Variants in MMD2 observed in about 807,000 individuals in gnomAD.
The protein encoded by MMD2 is monocyte to macrophage differentiation associated 2.
A neutral mutation model predicts 33.5 loss-of-function variants in MMD2; 30 were observed. That is an observed-to-expected ratio of 0.90 (90% CI 0.67 to 1.22). The LOEUF is 1.22. Ranked by LOEUF, MMD2 falls within the 50% of genes most tolerant of loss-of-function variation. The pLI, the probability that MMD2 is intolerant of heterozygous loss-of-function variation, is 0.00. For synonymous variants in MMD2, 129 were observed against 123.0 expected (o/e 1.05, Z -0.32); for missense variants, 364 against 325.4 (o/e 1.12, Z -0.91).
chr7:4,945,239 C>CTTCTTCTTCTTCTTCTTCTTCTTCTTCTT (rs71033001), intron 1 of MMD2, among the ~76,000 whole-genome samples: 4 of 142,112 alleles, frequency 2.8e-5, no homozygotes, highest in Admixed American at 2.2e-4. Flanking sequence ...TCTTCTTCTT[C>CTTCTTCTTCTTCTTCTTCTTCTTCTTCTT]CTCTCTCTCT....
At chr7:4,921,761 G>A (rs918826548) in intron 2 of MMD2, among the ~76,000 whole-genome samples, 1 of 151,982 alleles carries the variant, frequency 6.6e-6, no homozygotes, top group Non-Finnish European at 1.5e-5. Context: ...TAGCCTCCCC[G>A]ACACCCAGGC....
Position 4,911,164 on chromosome 7 carries a change from C to A in MMD2, c.448G>T (p.Val150Phe). 1 of 1,590,910 alleles carries A rather than the reference C, an allele frequency of 6.3e-7. No homozygotes were observed. Among genetic ancestry groups the A allele is most frequent in the East Asian group, 2.3e-5 (1 of 43,688 alleles). Residue 150 changes from valine (V) to phenylalanine (F), a missense_variant, in exon 5 of 7, where the codon GTC becomes TTC. By Grantham distance (50) the Val-to-Phe change is conservative. Transcript: ENST00000401401. ...GCTTACCGCTCATGGAAGAAGAAGA[C>A]ATAGATGGTGCCCACGGAAGCCATA... is the stretch of plus-strand genomic sequence containing the variant. ...WIMASVGTIY[V>F]FFFHERYKLV...
intron 1 of MMD2, among the ~76,000 whole-genome samples, chr7:4,949,986 AT>A (rs2115158439): frequency 6.6e-6 from 1 of 152,186 alleles, no homozygotes; most frequent in Non-Finnish European, 1.5e-5. Context: ...TTTTAGAATA[AT>A]TTTTTTCACT....
intron 1 of MMD2, among the ~76,000 whole-genome samples, chr7:4,938,292 A>G (rs62441537): frequency 0.36 from 54,761 of 151,802 alleles, 10,628 homozygotes; most frequent in Non-Finnish European, 0.45. Context: ...TACAGGCATG[A>G]GCCACCACGC....
At chr7:4,947,879 T>C (rs1178945430) in intron 1 of MMD2, among the ~76,000 whole-genome samples, 1 of 151,580 alleles carries the variant, frequency 6.6e-6, no homozygotes, top group Admixed American at 6.6e-5. Flanking sequence ...TTTGTATTTT[T>C]AGTAGAGACA....
chr7:4,909,911 GC>G lies in MMD2; in HGVS notation c.506del (p.Gly169AlafsTer21), dbSNP rs1207202402. 7 of 1,613,902 alleles carry G rather than the reference GC, an allele frequency of 4.3e-6. No homozygotes were observed. Among genetic ancestry groups the G allele is most frequent in the Non-Finnish European group, 5.9e-6 (7 of 1,179,874 alleles). On this transcript the variant is annotated frameshift_variant, in exon 6 of 7. Transcript: ENST00000401401. LOFTEE classifies it high-confidence loss of function. ...AGAGGATGACCAGGGCGGGGAAGAAGCCCATTACGACGTAGCAGAGAAGCTC... is the reference window on the plus strand; with the variant it reads ...AGAGGATGACCAGGGCGGGGAAGAAGCCATTACGACGTAGCAGAGAAGCTC... Reference protein sequence around the residue: ...LVELLCYVVMGFFPALVILSM... With the variant: ...LVELLCYVVMXFFPALVILSM...
intron 1 of MMD2, among the ~76,000 whole-genome samples, chr7:4,932,905 G>C (rs1010843303): frequency 6.6e-6 from 1 of 151,706 alleles, no homozygotes; most frequent in South Asian, 2.1e-4. Context: ...GATTACAGGC[G>C]TGAGCCACCA....
chr7:4,937,091 G>C (rs1389670191), intron 1 of MMD2, among the ~76,000 whole-genome samples: 3 of 150,886 alleles, frequency 2.0e-5, no homozygotes, highest in South Asian at 2.1e-4. Context: ...CCTGAGACTG[G>C]GTAATTTATA....
intron 1 of MMD2, among the ~76,000 whole-genome samples, chr7:4,958,377 C>G (rs1205941990): frequency 6.6e-6 from 1 of 152,144 alleles, no homozygotes; most frequent in East Asian, 1.9e-4. Context: ...CTGTTAATCA[C>G]CATTTTACAA....
At chr7:4,949,828 C>CAGT (rs1442078806) in intron 1 of MMD2, among the ~76,000 whole-genome samples, 1 of 152,076 alleles carries the variant, frequency 6.6e-6, no homozygotes, top group Admixed American at 6.6e-5. Context: ...TATGCCTGAA[C>CAGT]AGTACTATGG....
At chr7:4,896,572 T>G in the MMD2 span, among the ~76,000 whole-genome samples, 2 of 152,212 alleles carry the variant, frequency 1.3e-5, no homozygotes, top group African/African-American at 2.4e-5. Context: ...GATGTGTGCA[T>G]GAACATGCTT....
chr7:4,931,293 A>C (rs917172007), intron 1 of MMD2, among the ~76,000 whole-genome samples: 2 of 151,148 alleles, frequency 1.3e-5, no homozygotes, highest in Non-Finnish European at 2.9e-5. Context: ...CTACAGGTGC[A>C]CACCACCACA....
intron 1 of MMD2, among the ~76,000 whole-genome samples, chr7:4,955,487 A>G (rs1285246429): frequency 6.6e-6 from 1 of 152,290 alleles, no homozygotes; most frequent in Non-Finnish European, 1.5e-5. Flanking sequence ...CACAATCTAC[A>G]TGTGGTTATT....
At chr7:4,915,129 A>C (rs117422578) in intron 4 of MMD2, among the ~76,000 whole-genome samples, 23,347 of 151,774 alleles carry the variant, frequency 0.15, 2,331 homozygotes, top group Non-Finnish European at 0.23. Flanking sequence ...ATATTAGCCA[A>C]GCATGGTGGC....
At chr7:4,901,119 G>A (rs962737095), downstream of MMD2, among the ~76,000 whole-genome samples, 8 of 148,438 alleles carry the variant, frequency 5.4e-5, no homozygotes, top group African/African-American at 1.8e-4. Flanking sequence ...CAGCCTGGGC[G>A]ACATGAGTAA....
intron 1 of MMD2, among the ~76,000 whole-genome samples, chr7:4,950,011 C>T (rs1472950813): frequency 2.6e-5 from 4 of 152,124 alleles, no homozygotes; most frequent in Non-Finnish European, 4.4e-5. Flanking sequence ...GTAAAACACA[C>T]ATCAAATGTA....
the MMD2 span, among the ~76,000 whole-genome samples, chr7:4,897,250 A>G: frequency 6.7e-6 from 1 of 148,792 alleles, no homozygotes; most frequent in South Asian, 2.1e-4. Flanking sequence ...AAAAAAAAAG[A>G]CAATTAGGCC....
chr7:4,902,868 T>A (rs1018535881), downstream of MMD2, among the ~76,000 whole-genome samples: 9 of 152,166 alleles, frequency 5.9e-5, no homozygotes, highest in Non-Finnish European at 5.9e-5. Flanking sequence ...TGCTCCCACC[T>A]CCCACTTCCT....
chr7:4,956,100 T>C (rs912927344), intron 1 of MMD2, among the ~76,000 whole-genome samples: 1 of 152,042 alleles, frequency 6.6e-6, no homozygotes, highest in African/African-American at 2.4e-5. Flanking sequence ...TGTATATTAC[T>C]CATGGACAGC....
Sources: allele counts gnomAD v4.1 joint callset (sites outside exome capture counted in the v4.1 genomes callset), GRCh38; gene constraint gnomAD v4.1.1; transcripts MANE v1.5; gene names NCBI Gene and HGNC (gene_info 2026-07-23, HGNC 2026-07-21).